Variants in EEPD1 observed in about 807,000 individuals in gnomAD.
The protein encoded by EEPD1 is endonuclease/exonuclease/phosphatase family domain-containing protein 1.
Under a neutral mutation model 46.3 loss-of-function variants are expected in EEPD1, and 17 were observed. The ratio of observed to expected loss-of-function variants is 0.37; its 90% CI spans 0.25 to 0.55. EEPD1 has a LOEUF of 0.55. Ranked by LOEUF, EEPD1 falls within the 20% of genes least tolerant of loss-of-function variation. The pLI is 0.83. For missense variants in EEPD1, 673 were observed against 745.6 expected, an observed-to-expected ratio of 0.90 and a Z score of 1.13; for synonymous variants, 313 against 315.6, an observed-to-expected ratio of 0.99 and a Z score of 0.09.
intron 3 of EEPD1, among the ~76,000 whole-genome samples, chr7:36,275,048 A>C (rs1257865535): frequency 2.0e-5 from 3 of 152,232 alleles, no homozygotes; most frequent in Middle Eastern, 3.2e-3. Flanking sequence ...GCTACTGCTG[A>C]GAACACACAG....
chr7:36,197,195 G>A (rs1310102687), intron 2 of EEPD1, among the ~76,000 whole-genome samples: 1 of 151,850 alleles, frequency 6.6e-6, no homozygotes, highest in Non-Finnish European at 1.5e-5. Context: ...CGTCTGGGAA[G>A]TGAGGAGCGT....
At chr7:36,283,297 C>T (rs1005951964) in intron 4 of EEPD1, among the ~76,000 whole-genome samples, 2 of 152,092 alleles carry the variant, frequency 1.3e-5, no homozygotes, top group African/African-American at 2.4e-5. Context: ...AGGAGCAGCA[C>T]GCAGGGAAGT....
At chr7:36,224,689 G>A (rs1786202302) in intron 2 of EEPD1, among the ~76,000 whole-genome samples, 2 of 152,162 alleles carry the variant, frequency 1.3e-5, no homozygotes, top group Non-Finnish European at 2.9e-5. Flanking sequence ...GATTCCATAA[G>A]GAAAGGTTTT....
Position 36,211,630 on chromosome 7 carries a change from A to G in EEPD1, c.879-27355A>G, listed in dbSNP as rs561914893. 5.3e-5 allele frequency among the ~76,000 whole-genome samples: 8 copies of G among 152,306 alleles called. No homozygotes were observed. The South Asian group carries it at 8.3e-4, about 16-fold the overall frequency. ...AGCAGTGGGTTCGACTACTTTTAAA[A>G]ATTACCTTTTGTGGCTGGGCGTGGT... is the stretch of plus-strand genomic sequence containing the variant. On this transcript the variant is annotated intron_variant, in intron 2 of 7. Coordinates refer to ENST00000242108, the MANE Select transcript of EEPD1 (RefSeq NM_030636.3).
intron 2 of EEPD1, among the ~76,000 whole-genome samples, chr7:36,178,691 G>GA (rs1785224420): frequency 6.6e-6 from 1 of 152,218 alleles, no homozygotes; most frequent in South Asian, 2.1e-4. Context: ...TAATTACCAT[G>GA]AACACCTGTG....
At chr7:36,228,888 AG>A (rs1300323243) in intron 2 of EEPD1, 2 of 152,232 alleles carry the variant, frequency 1.3e-5, no homozygotes, top group Non-Finnish European at 2.9e-5. Context: ...ATTGATTAAT[AG>A]GTTTGTCACA....
At chr7:36,263,339 G>A (rs141008870) in intron 3 of EEPD1, among the ~76,000 whole-genome samples, 2 of 152,176 alleles carry the variant, frequency 1.3e-5, no homozygotes, top group African/African-American at 4.8e-5. Flanking sequence ...TCAAGGGAGG[G>A]GGGGGAAAAA....
At chr7:36,186,272 C>G (rs933735891) in intron 2 of EEPD1, among the ~76,000 whole-genome samples, 2 of 152,108 alleles carry the variant, frequency 1.3e-5, no homozygotes, top group African/African-American at 4.8e-5. Context: ...CGGTTCTCTT[C>G]CTCAAAATCT....
intron 2 of EEPD1, among the ~76,000 whole-genome samples, chr7:36,199,737 T>C (rs930894143): frequency 6.6e-6 from 1 of 152,258 alleles, no homozygotes; most frequent in African/African-American, 2.4e-5. Flanking sequence ...CTGGGCAGAC[T>C]ACCTTCAAAA....
chr7:36,297,719 T>C (rs1283754094), intron 7 of EEPD1, among the ~76,000 whole-genome samples: 1 of 152,216 alleles, frequency 6.6e-6, no homozygotes, highest in East Asian at 1.9e-4. Flanking sequence ...AACAGGTGTC[T>C]CATATAGTGT....
intron 2 of EEPD1, chr7:36,229,152 C>T (rs2115761583): frequency 6.6e-6 from 1 of 152,542 alleles, no homozygotes; most frequent in East Asian, 1.9e-4. Flanking sequence ...GCCTGTGTCG[C>T]CAGCATTGCT....
chr7:36,185,136 T>C (rs1354703854), intron 2 of EEPD1, among the ~76,000 whole-genome samples: 1 of 152,272 alleles, frequency 6.6e-6, no homozygotes, highest in African/African-American at 2.4e-5. Flanking sequence ...GATAGCTACT[T>C]GCTGGAAATT....
At chr7:36,158,219 G>A (rs1054366848) in intron 2 of EEPD1, among the ~76,000 whole-genome samples, 4 of 152,156 alleles carry the variant, frequency 2.6e-5, no homozygotes, top group African/African-American at 4.8e-5. Context: ...CTGCGACCCA[G>A]ACCTTCTCAC....
chr7:36,241,654 G>A (rs1786555283), intron 3 of EEPD1, among the ~76,000 whole-genome samples: 1 of 149,644 alleles, frequency 6.7e-6, no homozygotes, highest in Admixed American at 6.6e-5. Context: ...ATCATTTGAG[G>A]TCAGGAGTTC....
At chr7:36,177,238 GTT>G (rs11354084) in intron 2 of EEPD1, among the ~76,000 whole-genome samples, 137 of 149,884 alleles carry the variant, frequency 9.1e-4, no homozygotes, top group East Asian at 2.7e-3. Context: ...CTTACTTGAG[GTT>G]TTTTTTTTTT....
chr7:36,267,326 C>G (rs919420841), intron 3 of EEPD1, among the ~76,000 whole-genome samples: 10 of 152,178 alleles, frequency 6.6e-5, no homozygotes, highest in African/African-American at 2.4e-4. Flanking sequence ...ATGGGGGCCC[C>G]TGCATGGCCA....
rs947595450 is a variant in EEPD1 at position 36,154,074 on chromosome 7, G to T, written c.-192-59G>T. 1.4e-4 allele frequency: 76 copies of T among 552,582 alleles called. No homozygotes were observed. Among genetic ancestry groups the T allele is most frequent in the Admixed American group, 3.3e-5 (1 of 30,620 alleles). The allele number at this position is 552,582 out of a possible 1,614,324, so 34.2% of individuals were successfully genotyped here. On this transcript the variant is annotated intron_variant, in intron 1 of 7. Coordinates refer to ENST00000242108, the MANE Select transcript of EEPD1 (RefSeq NM_030636.3). This position sits in a 1 kb window ranked among gnomAD's most constrained non-coding sequence, Gnocchi z 4.2. ...TTACTAACTCTAGCACTAGGTAGGG[G>T]GTGCTAATGCAAATTTCTTAATTCA...
At chr7:36,244,640 C>G (rs912377211) in intron 3 of EEPD1, among the ~76,000 whole-genome samples, 25 of 152,294 alleles carry the variant, frequency 1.6e-4, no homozygotes, top group Admixed American at 9.8e-4. Context: ...CCGGTGTGGC[C>G]TCTGCTGAGC....
chr7:36,296,995 G>A lies in EEPD1; in HGVS notation c.1318G>A (p.Glu440Lys). ...AQTLQETLKGEKDVIILGDFG... is the reference protein window; with the variant it reads ...AQTLQETLKGKKDVIILGDFG... ...CATTTTCTTCCTTCCACTTCCAGGA[G>A]AAAAGGATGTCATTATCTTAGGGGA... The change falls in exon 7 of 8, where the codon GAA (glutamate) becomes AAA (lysine). Residue 440 changes from glutamate to lysine, a missense_variant and splice_region_variant. Coordinates refer to ENST00000242108, the MANE Select transcript of EEPD1 (RefSeq NM_030636.3). 6.2e-7 allele frequency: 1 copy of A among 1,613,662 alleles called. No homozygotes were observed. The highest frequency in any genetic ancestry group is 8.5e-7 in the Non-Finnish European group (1 of 1,179,632).
Sources: gnomAD v4.1 joint callset for allele counts (sites outside exome capture counted in the v4.1 genomes callset) on GRCh38, gnomAD v4.1.1 for gene constraint, Gnocchi (gnomAD v3.1) non-coding constraint, MANE v1.5 for transcripts, NCBI Gene and HGNC (gene_info 2026-07-23, HGNC 2026-07-21) for gene names.